The following CAMTA1 variants were observed in gnomAD, a reference collection of about 807,000 sequenced individuals.
The protein encoded by CAMTA1 is calmodulin-binding transcription activator 1.
In CAMTA1, 27 loss-of-function variants were observed where a neutral mutation model predicts 170.9. The observed-to-expected ratio is 0.16, with a 90% CI of 0.12 to 0.22. CAMTA1 has a LOEUF of 0.22. CAMTA1 is among the 10% of genes least tolerant of loss of function. The pLI, the probability that CAMTA1 is intolerant of heterozygous loss-of-function variation, is 1.00. For synonymous variants in CAMTA1, 833 were observed against 891.5 expected (o/e 0.93, Z 1.17); for missense variants, 1,619 against 2,217.2 (o/e 0.73, Z 5.42).
At position 7,593,551 on chromosome 1, in the gene CAMTA1, G is replaced by A. The variant is rs543354706; in HGVS notation, c.511-46849G>A. On this transcript the variant is annotated intron_variant, in intron 6 of 22. Transcript: ENST00000303635. Reference sequence around the variant, plus strand: ...GTCACCCAGGCTGGAGTGCAGTGGCGTGATCTTGGCTCACTACAACCTCTG... The same window carrying A: ...GTCACCCAGGCTGGAGTGCAGTGGCATGATCTTGGCTCACTACAACCTCTG... Among the ~76,000 whole-genome samples the A allele has an allele frequency of 1.0e-4, 15 of 149,682 alleles. 1 individual carries two copies. Among genetic ancestry groups the A allele is most frequent in the South Asian group, 6.5e-4 (3 of 4,640 alleles).
chr1:7,338,880 A>G (rs577248871), intron 5 of CAMTA1, among the ~76,000 whole-genome samples: 13 of 152,378 alleles, frequency 8.5e-5, no homozygotes, highest in Non-Finnish European at 1.8e-4. Flanking sequence ...TAATTGGCTC[A>G]CAGTTCCGCA....
At chr1:7,324,614 C>G (rs1678997654) in intron 5 of CAMTA1, among the ~76,000 whole-genome samples, 1 of 151,856 alleles carries the variant, frequency 6.6e-6, no homozygotes, top group African/African-American at 2.4e-5. Flanking sequence ...CTGTGCTCAT[C>G]CTGGCCAACA....
chr1:7,311,510 C>G (rs183841373), intron 5 of CAMTA1, among the ~76,000 whole-genome samples: 1 of 152,120 alleles, frequency 6.6e-6, no homozygotes, highest in Non-Finnish European at 1.5e-5. Context: ...AGAGTGTTTA[C>G]CCTTACTTCT....
At chr1:6,796,337 C>T (rs1173171520) in intron 1 of CAMTA1, among the ~76,000 whole-genome samples, 7 of 151,594 alleles carry the variant, frequency 4.6e-5, no homozygotes, top group South Asian at 4.2e-4. Flanking sequence ...GGAGTTTCGC[C>T]GTGTTGCCCA....
rs199861423 is a variant in CAMTA1 at position 7,242,771 on chromosome 1, AAAAT to A, written c.303-6684_303-6681del. ...GTGAAACCCCGTCTCTACTGAAAATAAAATAAATAAATAAATAAATAAATAAATA... is the reference window on the plus strand; with the variant it reads ...GTGAAACCCCGTCTCTACTGAAAATAAAATAAATAAATAAATAAATAAATA... On this transcript the variant is annotated intron_variant, in intron 4 of 22. Coordinates refer to ENST00000303635, the MANE Select transcript of CAMTA1 (RefSeq NM_015215.4). Among the ~76,000 whole-genome samples the A allele has an allele frequency of 4.9e-3, 720 of 145,554 alleles. 8 individuals carry two copies. The highest frequency in any genetic ancestry group is 0.017 in the African/African-American group (649 of 38,840).
chr1:7,574,296 G>A (rs558443454), intron 6 of CAMTA1, among the ~76,000 whole-genome samples: 1 of 152,268 alleles, frequency 6.6e-6, no homozygotes, highest in South Asian at 2.1e-4. Flanking sequence ...ACACTGCCAG[G>A]CGTTATACAT....
At chr1:7,644,029 G>A (rs72630529) in intron 7 of CAMTA1, among the ~76,000 whole-genome samples, 7,978 of 152,238 alleles carry the variant, frequency 0.052, 306 homozygotes, top group Non-Finnish European at 0.075. Context: ...GCGTGCCTTC[G>A]AAGACTTCAC....
chr1:7,418,988 C>A (rs147948226), intron 5 of CAMTA1, among the ~76,000 whole-genome samples: 51 of 152,334 alleles, frequency 3.3e-4, no homozygotes, highest in Non-Finnish European at 5.7e-4. Flanking sequence ...AGAAACCCTG[C>A]AGCAGCTCCT....
chr1:7,044,692 G>A lies in CAMTA1; in HGVS notation c.235-46612G>A, dbSNP rs1019514797. The stretch of plus-strand genomic sequence containing the variant: ...AGGAAGCCTGTCCCTCCCCTCTCTG[G>A]GCGACCTTCCGAGGAGGCATCAGCT... On this transcript the variant is annotated intron_variant, in intron 3 of 22. Transcript: ENST00000303635. The surrounding 1 kb of genome is among the most constrained non-coding windows in gnomAD (Gnocchi z 5.0). Among the ~76,000 whole-genome samples the A allele has an allele frequency of 1.4e-5, 2 of 147,704 alleles. No homozygotes were observed. Among genetic ancestry groups the A allele is most frequent in the Non-Finnish European group, 3.0e-5 (2 of 67,548 alleles).
At chr1:6,888,224 T>G (rs1216255464) in intron 3 of CAMTA1, 37 of 986,046 alleles carry the variant, frequency 3.8e-5, no homozygotes, top group Non-Finnish European at 4.3e-5. Context: ...TTGCGTCGCA[T>G]CCTTTCTGAA....
chr1:7,489,349 G>T (rs577906032), intron 6 of CAMTA1, among the ~76,000 whole-genome samples: 2 of 152,352 alleles, frequency 1.3e-5, no homozygotes, highest in South Asian at 2.1e-4. Context: ...CTTTGCAGGG[G>T]AAGGAAACAG....
intron 4 of CAMTA1, among the ~76,000 whole-genome samples, chr1:7,225,364 G>A (rs925081520): frequency 6.6e-6 from 1 of 152,184 alleles, no homozygotes. Flanking sequence ...GATTACAGGC[G>A]TGAGCCACCG....
At chr1:7,379,658 T>C (rs1222073951) in intron 5 of CAMTA1, among the ~76,000 whole-genome samples, 1 of 152,210 alleles carries the variant, frequency 6.6e-6, no homozygotes, top group Non-Finnish European at 1.5e-5. Flanking sequence ...TGTCTGAGCT[T>C]CTTAACCAGC....
chr1:7,310,700 C>CTCTCTCTCTCTCTCTCTT (rs1361709842), intron 5 of CAMTA1, among the ~76,000 whole-genome samples: 24 of 53,488 alleles, frequency 4.5e-4, no homozygotes, highest in East Asian at 7.3e-4. Flanking sequence ...CTCTCTCTCT[C>CTCTCTCTCTCTCTCTCTT]TCTTTCTTTC....
At chr1:7,229,523 G>A (rs1320261565) in intron 4 of CAMTA1, among the ~76,000 whole-genome samples, 2 of 82,150 alleles carry the variant, frequency 2.4e-5, no homozygotes, top group African/African-American at 9.7e-5. Flanking sequence ...AGGTGGGGGG[G>A]TGAGGAGGGG....
intron 1 of CAMTA1, chr1:6,806,985 A>G: frequency 1.7e-6 from 1 of 597,872 alleles, no homozygotes; most frequent in East Asian, 2.8e-5. Context: ...TGTGCCAGGC[A>G]CAAGGAAGGA....
intron 3 of CAMTA1, among the ~76,000 whole-genome samples, chr1:6,997,521 ATC>A (rs1697457450): frequency 6.6e-6 from 1 of 151,884 alleles, no homozygotes; most frequent in South Asian, 2.1e-4. Context: ...GTTTTTACAC[ATC>A]TCTCTAATTC....
At chr1:7,060,033 G>T (rs1392815985) in intron 3 of CAMTA1, among the ~76,000 whole-genome samples, 2 of 152,134 alleles carry the variant, frequency 1.3e-5, no homozygotes, top group African/African-American at 4.8e-5. Context: ...CAGATCCCTT[G>T]GGACTTCTGG....
At chr1:7,499,274 ATGG>A (rs1480987178) in intron 6 of CAMTA1, among the ~76,000 whole-genome samples, 1 of 115,460 alleles carries the variant, frequency 8.7e-6, no homozygotes, top group Admixed American at 9.1e-5. Context: ...TGTAGAGAGG[ATGG>A]TGTGAGCCTG....
Sources: gnomAD v4.1 joint callset for allele counts (sites outside exome capture counted in the v4.1 genomes callset) on GRCh38, gnomAD v4.1.1 for gene constraint, Gnocchi (gnomAD v3.1) non-coding constraint, MANE v1.5 for transcripts, NCBI Gene and HGNC (gene_info 2026-07-23, HGNC 2026-07-21) for gene names.